KIAA1217: variants seen among roughly 807,000 people sequenced by gnomAD.
KIAA1217 encodes KIAA1217.
A neutral mutation model predicts 163.9 loss-of-function variants in KIAA1217; 88 were observed. That is an observed-to-expected ratio of 0.54 (90% CI 0.45 to 0.64). The LOEUF is 0.64. KIAA1217 is among the 30% of genes least tolerant of loss of function. The pLI is 0.00. For synonymous variants in KIAA1217, 903 were observed against 923.1 expected, an observed-to-expected ratio of 0.98 and a Z score of 0.39; for missense variants, 2,372 against 2,475.0, an observed-to-expected ratio of 0.96 and a Z score of 0.88.
intron 1 of KIAA1217, among the ~76,000 whole-genome samples, chr10:23,993,457 G>T (rs987383539): frequency 6.6e-6 from 1 of 150,634 alleles, no homozygotes; most frequent in African/African-American, 2.4e-5. Flanking sequence ...ATCAGGAATA[G>T]TCAATACCTT....
intron 1 of KIAA1217, among the ~76,000 whole-genome samples, chr10:23,739,042 T>C (rs1838961374): frequency 6.6e-6 from 1 of 152,176 alleles, no homozygotes; most frequent in Non-Finnish European, 1.5e-5. Flanking sequence ...ATATGATATA[T>C]ATGCACAATG....
chr10:24,157,328 C>G (rs1262816980), intron 2 of KIAA1217, among the ~76,000 whole-genome samples: 1 of 152,094 alleles, frequency 6.6e-6, no homozygotes, highest in Non-Finnish European at 1.5e-5. Context: ...TTGCATACTT[C>G]TTTATTGGGT....
intron 2 of KIAA1217, among the ~76,000 whole-genome samples, chr10:24,102,114 C>T (rs948341443): frequency 6.6e-6 from 1 of 152,072 alleles, no homozygotes; most frequent in African/African-American, 2.4e-5. Flanking sequence ...TGTCTTTGGT[C>T]ACAGATGACA....
chr10:24,258,187 C>G (rs1395340748), intron 2 of KIAA1217, among the ~76,000 whole-genome samples: 1 of 115,254 alleles, frequency 8.7e-6, no homozygotes, highest in Non-Finnish European at 1.9e-5. Context: ...TCCCCTCAAC[C>G]TAACTCTGAT....
intron 2 of KIAA1217, among the ~76,000 whole-genome samples, chr10:24,313,633 G>A (rs373295143): frequency 1.3e-5 from 2 of 152,240 alleles, no homozygotes; most frequent in East Asian, 1.9e-4. Context: ...GATAATGACT[G>A]TTGTGCTTTT....
At chr10:23,781,309 A>G (rs1275539989) in intron 1 of KIAA1217, among the ~76,000 whole-genome samples, 2 of 152,128 alleles carry the variant, frequency 1.3e-5, no homozygotes, top group East Asian at 3.9e-4. Context: ...AGCCATACTA[A>G]TAAGTGTGGG....
intron 1 of KIAA1217, among the ~76,000 whole-genome samples, chr10:23,810,323 T>A (rs963699436): frequency 6.8e-6 from 1 of 147,456 alleles, no homozygotes; most frequent in East Asian, 2.0e-4. Flanking sequence ...TAGATATCTA[T>A]ATATACACAC....
At chr10:24,164,244 C>A (rs2065242829) in intron 2 of KIAA1217, among the ~76,000 whole-genome samples, 2 of 152,192 alleles carry the variant, frequency 1.3e-5, no homozygotes, top group South Asian at 4.1e-4. Flanking sequence ...CAGGCTTCCG[C>A]CCCAGGACAT....
At chr10:24,238,359 T>C (rs957113365) in intron 2 of KIAA1217, among the ~76,000 whole-genome samples, 1 of 152,160 alleles carries the variant, frequency 6.6e-6, no homozygotes, top group African/African-American at 2.4e-5. Flanking sequence ...TCAGCAGTCT[T>C]AGACCTGGGG....
At chr10:24,270,948 C>T (rs181856356) in intron 2 of KIAA1217, among the ~76,000 whole-genome samples, 229 of 152,294 alleles carry the variant, frequency 1.5e-3, no homozygotes, top group Middle Eastern at 3.4e-3. Flanking sequence ...ACACCATATA[C>T]TTCACTATTT....
chr10:24,074,577 G>A (rs2061303379), intron 2 of KIAA1217, among the ~76,000 whole-genome samples: 1 of 152,132 alleles, frequency 6.6e-6, no homozygotes, highest in African/African-American at 2.4e-5. Flanking sequence ...TAAAAGGGCA[G>A]AGAAAGGAGA....
chr10:24,504,354 A>G (rs989493475), intron 9 of KIAA1217, among the ~76,000 whole-genome samples: 3 of 152,194 alleles, frequency 2.0e-5, no homozygotes, highest in Non-Finnish European at 2.9e-5. Flanking sequence ...AAAAATAAGC[A>G]TGGTGTTTCC....
At chr10:23,923,495 T>G (rs528341877) in intron 1 of KIAA1217, among the ~76,000 whole-genome samples, 3 of 152,246 alleles carry the variant, frequency 2.0e-5, no homozygotes, top group Non-Finnish European at 4.4e-5. Flanking sequence ...CTGGATTATC[T>G]GGGTGGGCCC....
rs993458705 is a variant in KIAA1217, at chr10:24,109,167, C to T, written c.-171+101793C>T. Among the ~76,000 whole-genome samples the T allele has an allele frequency of 3.9e-5, 6 of 152,134 alleles. No homozygotes were observed. The East Asian group carries it at 1.2e-3, about 29-fold the overall frequency. On this transcript the variant is annotated intron_variant, in intron 2 of 18. Transcript: ENST00000376462. ...TATTTGAATTTCACTTTATTTGTCA[C>T]TCCTTTCACTAATGATCAGAGAGAT...
intron 3 of KIAA1217, among the ~76,000 whole-genome samples, chr10:24,392,254 A>T (rs929355841): frequency 6.7e-6 from 1 of 150,152 alleles, no homozygotes; most frequent in Non-Finnish European, 1.5e-5. Flanking sequence ...AAAAAAAAAA[A>T]GTTTTAAGGC....
At chr10:24,056,001 G>C (rs1360289059) in intron 2 of KIAA1217, among the ~76,000 whole-genome samples, 1 of 151,690 alleles carries the variant, frequency 6.6e-6, no homozygotes, top group South Asian at 2.1e-4. Context: ...ATGCCTGGTT[G>C]TTCTGGCAGA....
At chr10:23,893,515 A>C (rs1303513611) in intron 1 of KIAA1217, among the ~76,000 whole-genome samples, 2 of 151,490 alleles carry the variant, frequency 1.3e-5, no homozygotes, top group East Asian at 3.9e-4. Context: ...GATTTTAGTT[A>C]TTTCTTGCCT....
At chr10:24,129,523 A>T (rs2131803371) in intron 2 of KIAA1217, among the ~76,000 whole-genome samples, 1 of 152,300 alleles carries the variant, frequency 6.6e-6, no homozygotes, top group African/African-American at 2.4e-5. Flanking sequence ...GTATATAATC[A>T]TTAATTTTTA....
In KIAA1217 at chr10:24,501,482, G is replaced by C; in HGVS notation, c.1938G>C (p.Leu646=). 6.2e-7 allele frequency: 1 copy of C among 1,613,984 alleles called. No individual in the cohort carries two copies. Among genetic ancestry groups the C allele is most frequent in the Non-Finnish European group, 8.5e-7 (1 of 1,179,952 alleles). ...GCACCTCAGCCATCCACATGAGCCTGCTTGAGATGAGGCGGAGCGTGGCGG... is the reference window on the plus strand; with the variant it reads ...GCACCTCAGCCATCCACATGAGCCTCCTTGAGATGAGGCGGAGCGTGGCGG... ...PVGTSAIHMS[L]LEMRRSVAEL... The change falls in exon 9 of 21, where the codon CTG becomes CTC. Residue 646 remains leucine, a synonymous_variant. Transcript: ENST00000376454.
Sources: gnomAD v4.1 joint callset for allele counts (sites outside exome capture counted in the v4.1 genomes callset) on GRCh38, gnomAD v4.1.1 for gene constraint, MANE v1.5 for transcripts, NCBI Gene and HGNC (gene_info 2026-07-23, HGNC 2026-07-21) for gene names.